Variants in ZPBP observed in about 807,000 individuals in gnomAD.
ZPBP encodes the protein zona pellucida binding protein, also known as zona pellucida-binding protein 1.
A neutral mutation model predicts 44.8 loss-of-function variants in ZPBP; 26 were observed. The observed-to-expected ratio is 0.58, with a 90% CI of 0.43 to 0.81. The LOEUF is 0.81. Ranked by LOEUF, ZPBP falls within the 30% of genes least tolerant of loss-of-function variation. ZPBP has a pLI of 0.00. For missense variants in ZPBP, 409 were observed against 434.0 expected (o/e 0.94, Z 0.51); for synonymous variants, 174 against 153.2 (o/e 1.14, Z -1.00).
chr7:50,040,437 T>G (rs1584100581), intron 4 of ZPBP, among the ~76,000 whole-genome samples: 1 of 152,134 alleles, frequency 6.6e-6, no homozygotes, highest in South Asian at 2.1e-4. Flanking sequence ...AGAAGGCAGG[T>G]GATTTCTGCA....
chr7:49,862,857 T>C (rs1272706258), intron 2 of ZPBP, among the ~76,000 whole-genome samples: 1 of 152,184 alleles, frequency 6.6e-6, no homozygotes, highest in Admixed American at 6.5e-5. Context: ...AATATGCTGT[T>C]GTATTCACTT....
At chr7:49,884,002 G>A (rs1376729115) in intron 2 of ZPBP, among the ~76,000 whole-genome samples, 4 of 152,360 alleles carry the variant, frequency 2.6e-5, no homozygotes, top group African/African-American at 4.8e-5. Flanking sequence ...GGGTTAGCAC[G>A]ACTGTGGGTG....
At chr7:50,045,270 A>T (rs1365327501) in intron 4 of ZPBP, among the ~76,000 whole-genome samples, 2 of 152,360 alleles carry the variant, frequency 1.3e-5, no homozygotes, top group South Asian at 2.1e-4. Context: ...CACCACTCCT[A>T]TTCAATATAG....
chr7:49,979,097 G>A (rs62445842), intron 7 of ZPBP, among the ~76,000 whole-genome samples: 13,824 of 151,640 alleles, frequency 0.091, 699 homozygotes, highest in Non-Finnish European at 0.11. Context: ...TTTTATTTAA[G>A]CAAAATTCCC....
At chr7:50,070,401 C>T (rs1175591538) in intron 3 of ZPBP, among the ~76,000 whole-genome samples, 4 of 152,162 alleles carry the variant, frequency 2.6e-5, no homozygotes, top group African/African-American at 9.7e-5. Flanking sequence ...GTCCTACAGC[C>T]CCGTACCTGG....
At chr7:50,033,250 T>C (rs1385983967) in intron 4 of ZPBP, among the ~76,000 whole-genome samples, 1 of 152,194 alleles carries the variant, frequency 6.6e-6, no homozygotes, top group Non-Finnish European at 1.5e-5. Flanking sequence ...GTTATTTGCA[T>C]AACATTAATA....
At position 50,051,832 on chromosome 7, in the gene ZPBP, A is replaced by T. The variant is rs147234363; in HGVS notation, c.487+6157T>A. ...CGGTGGTGTGAGGAGGAAGAACATT[A>T]GGAAAAATAGCTAATACATGCTGAA... is the stretch of plus-strand genomic sequence containing the variant. On this transcript the variant is annotated intron_variant, in intron 4 of 7. Transcript: ENST00000046087. Among the ~76,000 whole-genome samples, 290 of 152,294 alleles carry T rather than the reference A, an allele frequency of 1.9e-3. 1 individual carries two copies. Among genetic ancestry groups the T allele is most frequent in the African/African-American group, 6.5e-3 (272 of 41,572 alleles).
chr7:49,887,011 T>C (rs1179222922), intron 2 of ZPBP, among the ~76,000 whole-genome samples: 1 of 152,198 alleles, frequency 6.6e-6, no homozygotes, highest in African/African-American at 2.4e-5. Context: ...TCAAGGCAAA[T>C]TTTAAGTACT....
At chr7:49,974,686 C>T (rs1796427542) in intron 7 of ZPBP, among the ~76,000 whole-genome samples, 1 of 152,048 alleles carries the variant, frequency 6.6e-6, no homozygotes, top group Non-Finnish European at 1.5e-5. Flanking sequence ...ACAATTGTCA[C>T]ATGCAGGAAT....
downstream of ZPBP, chr7:49,850,415 C>A (rs1467854106): frequency 6.6e-6 from 1 of 152,262 alleles, no homozygotes; most frequent in Non-Finnish European, 1.5e-5. Flanking sequence ...AAGAGGCCTC[C>A]TGTCTTCCTG....
intron 1 of ZPBP, among the ~76,000 whole-genome samples, chr7:50,091,070 T>C (rs1205221357): frequency 6.6e-6 from 1 of 152,120 alleles, no homozygotes; most frequent in Non-Finnish European, 1.5e-5. Flanking sequence ...ACTAGTGATG[T>C]TGAGCATTTT....
intron 1 of ZPBP, chr7:49,919,306 C>G (rs908730915): frequency 6.6e-6 from 1 of 152,114 alleles, no homozygotes; most frequent in African/African-American, 2.4e-5. Flanking sequence ...AGGATACCAG[C>G]AGATATCCTT....
At position 49,977,588 on chromosome 7, in the gene ZPBP, G is replaced by A. The variant is rs138149105; in HGVS notation, c.961+5754C>T. On this transcript the variant is annotated intron_variant, in intron 7 of 7. Transcript: ENST00000046087. ...ATTTCTGATCACAGACACAGATACC[G>A]TGTCATAAAGAAAGAACTCCCTGCT... Among the ~76,000 whole-genome samples the A allele has an allele frequency of 2.9e-3, 441 of 152,114 alleles. 2 individuals carry two copies. Among genetic ancestry groups the A allele is most frequent in the African/African-American group, 0.01 (422 of 41,482 alleles).
At chr7:49,984,942 T>C (rs1797191856) in intron 6 of ZPBP, among the ~76,000 whole-genome samples, 1 of 152,236 alleles carries the variant, frequency 6.6e-6, no homozygotes, top group African/African-American at 2.4e-5. Flanking sequence ...ACTGTGCATG[T>C]GGAGTCTGCA....
At chr7:49,906,065 A>C (rs989940955) in intron 1 of ZPBP, among the ~76,000 whole-genome samples, 2 of 152,120 alleles carry the variant, frequency 1.3e-5, no homozygotes, top group Non-Finnish European at 2.9e-5. Flanking sequence ...TCAAGAAATA[A>C]CCATAAAAAT....
chr7:49,872,205 G>C (rs1791188035), intron 2 of ZPBP, among the ~76,000 whole-genome samples: 1 of 152,118 alleles, frequency 6.6e-6, no homozygotes, highest in Non-Finnish European at 1.5e-5. Context: ...CATTTAAGGA[G>C]AGAATTAGTG....
At chr7:49,982,438 T>A (rs925563332) in intron 7 of ZPBP, among the ~76,000 whole-genome samples, 2 of 145,072 alleles carry the variant, frequency 1.4e-5, no homozygotes, top group Non-Finnish European at 1.5e-5. Context: ...TTTGTTTAAT[T>A]TGTATTCTAT....
intron 3 of ZPBP, among the ~76,000 whole-genome samples, chr7:50,081,117 T>C (rs1422633149): frequency 6.6e-6 from 1 of 151,818 alleles, no homozygotes; most frequent in Non-Finnish European, 1.5e-5. Flanking sequence ...AGTCTTTGTA[T>C]AAATATATTG....
At chr7:49,974,332 C>G (rs776707646) in intron 7 of ZPBP, among the ~76,000 whole-genome samples, 2 of 152,018 alleles carry the variant, frequency 1.3e-5, no homozygotes, top group Non-Finnish European at 2.9e-5. Flanking sequence ...AGTAGAGCTT[C>G]TGGGAGACAT....
Sources: gnomAD v4.1 joint callset for allele counts (sites outside exome capture counted in the v4.1 genomes callset) on GRCh38, gnomAD v4.1.1 for gene constraint, MANE v1.5 for transcripts, NCBI Gene and HGNC (gene_info 2026-07-23, HGNC 2026-07-21) for gene names.